Variants in FUT8 observed in about 807,000 individuals in gnomAD.
FUT8 encodes the protein alpha-(1,6)-fucosyltransferase.
In FUT8, 29 loss-of-function variants were observed where a neutral mutation model predicts 71.3. The ratio of observed to expected loss-of-function variants is 0.41; its 90% confidence interval spans 0.30 to 0.55. The LOEUF is 0.55. Ranked by LOEUF, FUT8 falls within the 20% of genes least tolerant of loss-of-function variation. FUT8 has a pLI of 0.34. For synonymous variants in FUT8, 254 were observed against 239.3 expected (o/e 1.06, Z -0.57); for missense variants, 544 against 702.1 (o/e 0.77, Z 2.55).
At chr14:65,687,099 CTT>C (rs1198281578) in intron 7 of FUT8, among the ~76,000 whole-genome samples, 2 of 152,038 alleles carry the variant, frequency 1.3e-5, no homozygotes, top group South Asian at 2.1e-4. Context: ...CTAGCCCTCT[CTT>C]TAGTCAAAGA....
chr14:65,737,651 G>C (rs1896282220), intron 10 of FUT8, among the ~76,000 whole-genome samples: 2 of 152,028 alleles, frequency 1.3e-5, no homozygotes, highest in Non-Finnish European at 2.9e-5. Flanking sequence ...TCTGAAATCT[G>C]ACTTAAAAAA....
At chr14:65,656,910 GTC>G (rs1032687377) in intron 6 of FUT8, among the ~76,000 whole-genome samples, 2 of 152,140 alleles carry the variant, frequency 1.3e-5, no homozygotes, top group Non-Finnish European at 2.9e-5. Context: ...GGAAAGGAAA[GTC>G]TCTTCAATAA....
chr14:65,642,582 G>A (rs1298512580), intron 6 of FUT8, among the ~76,000 whole-genome samples: 2 of 132,604 alleles, frequency 1.5e-5, no homozygotes, highest in Non-Finnish European at 3.1e-5. Flanking sequence ...CAGCCTGGGT[G>A]ACAGAGTGAG....
At chr14:65,677,153 C>CGTGTGT (rs1555383287) in intron 7 of FUT8, among the ~76,000 whole-genome samples, 1 of 64,714 alleles carries the variant, frequency 1.5e-5, no homozygotes, top group Non-Finnish European at 3.4e-5. Context: ...TGTGTGTGTG[C>CGTGTGT]GCGCGCGCAT....
chr14:65,514,314 A>G (rs1044348941), intron 2 of FUT8, among the ~76,000 whole-genome samples: 1 of 152,256 alleles, frequency 6.6e-6, no homozygotes, highest in Non-Finnish European at 1.5e-5. Context: ...CTGTCCTATC[A>G]GTGCTGCTGG....
At position 65,742,553 on chromosome 14, in the gene FUT8, G is replaced by A. The variant is rs757313039; in HGVS notation, c.*143G>A. The A allele has an allele frequency of 2.5e-5, 17 of 684,416 alleles. No individual in the cohort carries two copies. Among genetic ancestry groups the A allele is most frequent in the Non-Finnish European group, 4.1e-5 (17 of 413,060 alleles). The allele number at this position is 684,416 out of a possible 1,614,324, so 42.4% of individuals were successfully genotyped here. ...GATACTCTCAGCACCAAGAGCAGCT[G>A]GGAACTGACATAGGCTTCAATTGGT... On this transcript the variant is annotated 3_prime_UTR_variant, in exon 11 of 11. Coordinates refer to ENST00000673929, the MANE Select transcript of FUT8 (RefSeq NM_001371533.1).
chr14:65,656,451 A>G (rs949500812), intron 6 of FUT8, among the ~76,000 whole-genome samples: 1 of 152,220 alleles, frequency 6.6e-6, no homozygotes, highest in Admixed American at 6.5e-5. Flanking sequence ...TCTACAATGC[A>G]AACTATAAAA....
intron 2 of FUT8, among the ~76,000 whole-genome samples, chr14:65,486,053 A>G (rs922574691): frequency 1.5e-4 from 23 of 152,086 alleles, no homozygotes; most frequent in Non-Finnish European, 3.2e-4. Context: ...TTTTAACCCC[A>G]TTATTTTCCA....
At chr14:65,363,641 C>T in the FUT8 span, among the ~76,000 whole-genome samples, 6,501 of 152,254 alleles carry the variant, frequency 0.043, 421 homozygotes, top group African/African-American at 0.14. Flanking sequence ...AAGAAATGAG[C>T]ATCCTTGCCT....
intron 3 of FUT8, among the ~76,000 whole-genome samples, chr14:65,582,505 C>T (rs980002462): frequency 6.6e-6 from 1 of 152,070 alleles, no homozygotes; most frequent in African/African-American, 2.4e-5. Context: ...CAGCCCCATC[C>T]CCAGCTGTCC....
At chr14:65,406,304 G>C (rs2065088825), upstream of FUT8, among the ~76,000 whole-genome samples, 1 of 152,158 alleles carries the variant, frequency 6.6e-6, no homozygotes, top group Non-Finnish European at 1.5e-5. Flanking sequence ...CTTATAGATG[G>C]AAAAACCAGA....
chr14:65,406,285 T>C (rs2139327204), upstream of FUT8, among the ~76,000 whole-genome samples: 1 of 152,354 alleles, frequency 6.6e-6, no homozygotes, highest in African/African-American at 2.4e-5. Flanking sequence ...CTAGGGGACA[T>C]CATCCCTTCT....
chr14:65,423,903 G>A (rs1022837674), intron 1 of FUT8, among the ~76,000 whole-genome samples: 1 of 152,178 alleles, frequency 6.6e-6, no homozygotes, highest in Non-Finnish European at 1.5e-5. Flanking sequence ...TGTGCCTTCA[G>A]CAATGGCTTC....
the FUT8 span, among the ~76,000 whole-genome samples, chr14:65,396,648 G>C: frequency 1.3e-5 from 2 of 152,210 alleles, no homozygotes; most frequent in African/African-American, 4.8e-5. This position sits in a 1 kb window ranked among gnomAD's most constrained non-coding sequence, Gnocchi z 5.5. Context: ...GACACAGCCA[G>C]ACTATATCAG....
chr14:65,687,304 G>A (rs535436391), intron 7 of FUT8, among the ~76,000 whole-genome samples: 106 of 152,192 alleles, frequency 7.0e-4, no homozygotes, highest in African/African-American at 2.4e-3. Context: ...ATCACATGGT[G>A]AGGTATCATT....
At chr14:65,420,957 G>A (rs1397193737) in intron 1 of FUT8, among the ~76,000 whole-genome samples, 1 of 152,164 alleles carries the variant, frequency 6.6e-6, no homozygotes, top group East Asian at 1.9e-4. Context: ...CACTTTGGGA[G>A]GCCAAGGTGG....
intron 3 of FUT8, among the ~76,000 whole-genome samples, chr14:65,580,070 T>TTATATATATA (rs59069113): frequency 0.013 from 1,794 of 142,814 alleles, 31 homozygotes; most frequent in East Asian, 0.061. Flanking sequence ...GTGCTATATT[T>TTATATATATA]TATATATATA....
chr14:65,617,447 T>C (rs1889344512), intron 5 of FUT8, among the ~76,000 whole-genome samples: 1 of 152,218 alleles, frequency 6.6e-6, no homozygotes, highest in Admixed American at 6.5e-5. Context: ...AAATGCTGAC[T>C]AATTCTGTCA....
intron 2 of FUT8, among the ~76,000 whole-genome samples, chr14:65,502,936 C>G (rs747884652): frequency 6.6e-6 from 1 of 152,200 alleles, no homozygotes; most frequent in Non-Finnish European, 1.5e-5. Context: ...CTACTGGTCC[C>G]TAGACCAGAC....
Sources: allele counts gnomAD v4.1 joint callset (sites outside exome capture counted in the v4.1 genomes callset), GRCh38; gene constraint gnomAD v4.1.1; non-coding constraint Gnocchi (gnomAD v3.1); transcripts MANE v1.5; gene names NCBI Gene and HGNC (gene_info 2026-07-23, HGNC 2026-07-21).